DDAH1: variants seen among roughly 807,000 people sequenced by gnomAD.
DDAH1 encodes dimethylarginine dimethylaminohydrolase 1.
In DDAH1, 19 loss-of-function variants were observed where a neutral mutation model predicts 28.8. The observed-to-expected ratio is 0.66, with a 90% CI of 0.46 to 0.97. The LOEUF is 0.97. DDAH1 is among the 50% of genes least tolerant of loss of function. DDAH1 has a pLI of 0.00. For missense variants in DDAH1, 326 were observed against 375.9 expected, an observed-to-expected ratio of 0.87 and a Z score of 1.10; for synonymous variants, 153 against 154.4, an observed-to-expected ratio of 0.99 and a Z score of 0.07.
At chr1:85,530,750 CT>C (rs1450229248) in intron 1 of DDAH1, among the ~76,000 whole-genome samples, 22 of 144,270 alleles carry the variant, frequency 1.5e-4, no homozygotes, top group Admixed American at 7.7e-4. Flanking sequence ...CATTGGGAGG[CT>C]GAGGCGGTCG....
intron 1 of DDAH1, among the ~76,000 whole-genome samples, chr1:85,563,709 T>G (rs1238587382): frequency 6.6e-6 from 1 of 152,196 alleles, no homozygotes; most frequent in Non-Finnish European, 1.5e-5. Context: ...TTAATCAATG[T>G]AAACAGACTC....
intron 1 of DDAH1, among the ~76,000 whole-genome samples, chr1:85,517,148 A>G (rs548559114): frequency 8.5e-5 from 13 of 152,230 alleles, no homozygotes; most frequent in African/African-American, 3.1e-4. Flanking sequence ...AGTGTTAGGT[A>G]CATAGTAAGT....
upstream of DDAH1, among the ~76,000 whole-genome samples, chr1:85,466,529 A>G (rs547265): frequency 0.99 from 150,710 of 152,340 alleles, 74,577 homozygotes; most frequent in Middle Eastern, 1. Flanking sequence ...GATTACAGGC[A>G]TGAGCTACCA....
intron 1 of DDAH1, among the ~76,000 whole-genome samples, chr1:85,381,166 G>T (rs1650963951): frequency 6.6e-6 from 1 of 151,298 alleles, no homozygotes; most frequent in African/African-American, 2.4e-5. Context: ...CCTGGGAGGT[G>T]GAGGTTGCAG....
intron 4 of DDAH1, among the ~76,000 whole-genome samples, chr1:85,340,982 T>C (rs961629797): frequency 7.2e-5 from 11 of 152,230 alleles, no homozygotes; most frequent in East Asian, 1.9e-4. Flanking sequence ...CAGCTATGCC[T>C]GACGTTCATT....
intron 1 of DDAH1, among the ~76,000 whole-genome samples, chr1:85,395,235 G>A (rs2100563590): frequency 1.3e-5 from 2 of 152,286 alleles, no homozygotes; most frequent in Non-Finnish European, 2.9e-5. Flanking sequence ...ATACAAAAAA[G>A]TTGTAAGTCT....
chr1:85,536,636 G>A (rs1658287873), intron 1 of DDAH1, among the ~76,000 whole-genome samples: 1 of 152,010 alleles, frequency 6.6e-6, no homozygotes, highest in African/African-American at 2.4e-5. Flanking sequence ...CAGTTAAAAT[G>A]GCTATTACCA....
intron 1 of DDAH1, among the ~76,000 whole-genome samples, chr1:85,452,419 G>A (rs926802259): frequency 6.6e-6 from 1 of 152,120 alleles, no homozygotes; most frequent in Non-Finnish European, 1.5e-5. Flanking sequence ...GAGGGAACAC[G>A]TAGATGCGTG....
chr1:85,459,345 T>C (rs597168), intron 1 of DDAH1, among the ~76,000 whole-genome samples: 105,182 of 152,064 alleles, frequency 0.69, 36,513 homozygotes, highest in East Asian at 0.81. Flanking sequence ...TTTCAGCTAA[T>C]AGTATCTAAT....
At chr1:85,507,129 T>C (rs2100746155) in intron 1 of DDAH1, among the ~76,000 whole-genome samples, 1 of 152,262 alleles carries the variant, frequency 6.6e-6, no homozygotes, top group East Asian at 1.9e-4. Flanking sequence ...CACACAAATA[T>C]ATATATATGT....
At chr1:85,560,812 T>C (rs545440725) in intron 1 of DDAH1, among the ~76,000 whole-genome samples, 79 of 152,238 alleles carry the variant, frequency 5.2e-4, no homozygotes, top group African/African-American at 1.9e-3. Context: ...GTGTATGTTA[T>C]CTAATGAGAA....
At chr1:85,477,034 G>T (rs556448616) in intron 2 of DDAH1, among the ~76,000 whole-genome samples, 1 of 152,050 alleles carries the variant, frequency 6.6e-6, no homozygotes, top group Non-Finnish European at 1.5e-5. Context: ...GTATAATAAC[G>T]TAAATCCCAT....
rs1486568123 is a variant in DDAH1, at chr1:85,319,463, A to G, written c.*1989T>C. The stretch of plus-strand genomic sequence containing the variant: ...TTAAAAATTATATGCTGGTAAGCCT[A>G]AACTGGCAGATTGGGCCATTTTTCC... On this transcript the variant is annotated 3_prime_UTR_variant, in exon 6 of 6. Coordinates refer to ENST00000284031, the MANE Select transcript of DDAH1 (RefSeq NM_012137.4). 6.6e-6 allele frequency: 1 copy of G among 152,238 alleles called. No individual in the cohort carries two copies. The highest frequency in any genetic ancestry group is 2.1e-4 in the South Asian group (1 of 4,836). 9.4% of individuals were successfully genotyped at this position (152,238 alleles called of 1,614,324 possible). A position where few individuals can be genotyped will look rare whatever the true frequency, so the allele number is the denominator to read the frequency against.
intron 1 of DDAH1, among the ~76,000 whole-genome samples, chr1:85,506,892 G>C (rs1019388751): frequency 3.3e-5 from 5 of 152,136 alleles, no homozygotes; most frequent in Non-Finnish European, 5.9e-5. Flanking sequence ...CAAAGGTTCA[G>C]GTAAGAGGCG....
At chr1:85,412,203 A>G (rs1430071541) in intron 1 of DDAH1, among the ~76,000 whole-genome samples, 6 of 152,166 alleles carry the variant, frequency 3.9e-5, no homozygotes, top group Non-Finnish European at 7.4e-5. Flanking sequence ...TTATAATTCA[A>G]CTCCATGTGA....
At chr1:85,437,833 T>C (rs1329110993) in intron 1 of DDAH1, among the ~76,000 whole-genome samples, 1 of 152,234 alleles carries the variant, frequency 6.6e-6, no homozygotes, top group African/African-American at 2.4e-5. Context: ...ATTTGTTTCA[T>C]GTAATTTGTT....
At chr1:85,398,504 G>T (rs1461924269) in intron 1 of DDAH1, 1 of 152,118 alleles carries the variant, frequency 6.6e-6, no homozygotes, top group Non-Finnish European at 1.5e-5. Context: ...CCAGTATCTA[G>T]CTTCAACTCT....
chr1:85,392,496 T>C (rs1308037162), intron 1 of DDAH1, among the ~76,000 whole-genome samples: 1 of 152,084 alleles, frequency 6.6e-6, no homozygotes, highest in Non-Finnish European at 1.5e-5. Flanking sequence ...GAGCTCTTGT[T>C]AGAAAATGAA....
intron 1 of DDAH1, among the ~76,000 whole-genome samples, chr1:85,496,815 C>T (rs1386257660): frequency 6.6e-6 from 1 of 152,084 alleles, no homozygotes; most frequent in Non-Finnish European, 1.5e-5. Flanking sequence ...TATCATAAAC[C>T]TTCACAGGAA....
Sources: gnomAD v4.1 joint callset for allele counts (sites outside exome capture counted in the v4.1 genomes callset) on GRCh38, gnomAD v4.1.1 for gene constraint, MANE v1.5 for transcripts, NCBI Gene and HGNC (gene_info 2026-07-23, HGNC 2026-07-21) for gene names.